HSD11B1: variants seen among roughly 807,000 people sequenced by gnomAD.
HSD11B1 encodes the protein hydroxysteroid 11-beta dehydrogenase 1.
Under a neutral mutation model 22.1 loss-of-function variants are expected in HSD11B1, and 15 were observed. The observed-to-expected ratio is 0.68, with a 90% CI of 0.45 to 1.04. The LOEUF (loss-of-function observed/expected upper bound fraction) is 1.04. Among genes scored for constraint, HSD11B1 ranks in the 50% least tolerant of loss-of-function variants. The pLI, the probability that HSD11B1 is intolerant of heterozygous loss-of-function variation, is 0.00. For missense variants in HSD11B1, 281 were observed against 357.6 expected (o/e 0.79, Z 1.73); for synonymous variants, 122 against 125.2 (o/e 0.97, Z 0.17).
chr1:209,689,553 G>T (rs936522271), intron 1 of HSD11B1, among the ~76,000 whole-genome samples: 1 of 152,190 alleles, frequency 6.6e-6, no homozygotes, highest in African/African-American at 2.4e-5. Context: ...TTTGAGTCGT[G>T]GGGGTGAATC....
At chr1:209,702,649 T>C (rs890130222), upstream of HSD11B1, among the ~76,000 whole-genome samples, 1 of 152,226 alleles carries the variant, frequency 6.6e-6, no homozygotes, top group African/African-American at 2.4e-5. Flanking sequence ...GAATGTATGC[T>C]TATGTATTCT....
At chr1:209,714,786 C>T (rs907076707) in intron 4 of HSD11B1, among the ~76,000 whole-genome samples, 1 of 152,164 alleles carries the variant, frequency 6.6e-6, no homozygotes, top group African/African-American at 2.4e-5. Flanking sequence ...GGTGGCAGCA[C>T]AGATTGAAAA....
At chr1:209,691,784 G>A (rs2076761097) in intron 1 of HSD11B1, among the ~76,000 whole-genome samples, 1 of 152,144 alleles carries the variant, frequency 6.6e-6, no homozygotes, top group East Asian at 1.9e-4. Flanking sequence ...AAGGGAATGG[G>A]TGTTTGTGTG....
At chr1:209,704,793 G>T, upstream of HSD11B1, 1 of 646,822 alleles carries the variant, frequency 1.5e-6, no homozygotes, top group Non-Finnish European at 2.8e-6. Flanking sequence ...CTCTGACAGG[G>T]AAATTGGCTA....
At chr1:209,688,849 T>C (rs1431580316) in intron 1 of HSD11B1, among the ~76,000 whole-genome samples, 1 of 152,200 alleles carries the variant, frequency 6.6e-6, no homozygotes, top group Non-Finnish European at 1.5e-5. Flanking sequence ...ACAACAGAGA[T>C]AACAACAGTT....
intron 4 of HSD11B1, chr1:209,724,170 T>C (rs1286416527): frequency 6.6e-6 from 1 of 152,222 alleles, no homozygotes; most frequent in Non-Finnish European, 1.5e-5. Flanking sequence ...TCCATAGGTG[T>C]GACACAATTT....
intron 4 of HSD11B1, among the ~76,000 whole-genome samples, chr1:209,719,992 A>C (rs1440764019): frequency 1.3e-5 from 2 of 152,170 alleles, no homozygotes; most frequent in Non-Finnish European, 2.9e-5. Flanking sequence ...AGAAATACCT[A>C]ATGTAAATGA....
chr1:209,712,489 A>G lies in HSD11B1; in HGVS notation c.517+5361A>G, dbSNP rs181979458. ...TTATAAGTAATCTAAAGATGATTTA[A>G]AGTACACAGGAGGATGTGCATAGGT... On this transcript the variant is annotated intron_variant, in intron 4 of 5. Transcript: ENST00000367027. Among the ~76,000 whole-genome samples, 3 of 152,306 alleles carry G rather than the reference A, an allele frequency of 2.0e-5. No homozygotes were observed. In the East Asian group the frequency reaches 5.8e-4, roughly 29 times the overall value.
intron 4 of HSD11B1, among the ~76,000 whole-genome samples, chr1:209,713,269 C>G (rs2076909756): frequency 6.6e-6 from 1 of 152,122 alleles, no homozygotes; most frequent in South Asian, 2.1e-4. Flanking sequence ...ATAGCTGTAT[C>G]TATATCTCTG....
chr1:209,702,975 T>C (rs2076834304), upstream of HSD11B1, among the ~76,000 whole-genome samples: 1 of 152,246 alleles, frequency 6.6e-6, no homozygotes, highest in African/African-American at 2.4e-5. Flanking sequence ...ATCTAATTAT[T>C]AATCTGTTTG....
At position 209,732,405 on chromosome 1, in the gene HSD11B1, T is replaced by TC. The variant is rs1363490672; in HGVS notation, c.518-31_518-30insC. The TC allele has an allele frequency of 5.6e-6, 9 of 1,613,574 alleles. No individual in the cohort carries two copies. In the African/African-American group the frequency reaches 1.1e-4, roughly 19 times the overall value. On this transcript the variant is annotated intron_variant, in intron 4 of 5. Transcript: ENST00000367027. ...TGTAAGAAGGTGAAATGGGCAGCCT[T>TC]ATTAACCCATTTCTTTAATCTGTCA...
chr1:209,713,014 A>G (rs1469582521), intron 4 of HSD11B1, among the ~76,000 whole-genome samples: 1 of 152,156 alleles, frequency 6.6e-6, no homozygotes, highest in Non-Finnish European at 1.5e-5. Context: ...GCACCACTGC[A>G]CTCCAGACTG....
chr1:209,734,334 T>C lies in HSD11B1; in HGVS notation c.692T>C (p.Val231Ala). 1.2e-6 allele frequency: 2 copies of C among 1,614,020 alleles called. No individual in the cohort carries two copies. Among genetic ancestry groups the C allele is most frequent in the Non-Finnish European group, 1.7e-6 (2 of 1,179,970 alleles). ...GCCATGAAGGCAGTTTCTGGGATAG[T>C]CCATATGCAAGCAGCTCCAAAGGAG... ...ETAMKAVSGIVHMQAAPKEEC... is the reference protein window; with the variant it reads ...ETAMKAVSGIAHMQAAPKEEC... The change falls in exon 6 of 6, where the codon GTC (valine) becomes GCC (alanine). Residue 231 changes from valine (V) to alanine (A), a missense_variant. By Grantham distance (64) the Val-to-Ala change is moderately conservative. Coordinates refer to ENST00000367027, the MANE Select transcript of HSD11B1 (RefSeq NM_005525.4).
At chr1:209,732,656 T>C in intron 5 of HSD11B1, 77 bp downstream of exon 5, 1 of 1,232,374 alleles carries the variant, frequency 8.1e-7, no homozygotes, top group Non-Finnish European at 1.2e-6. Context: ...CATGCAGGTT[T>C]GTTACATATG....
intron 4 of HSD11B1, among the ~76,000 whole-genome samples, chr1:209,718,825 G>T (rs2076946310): frequency 6.6e-6 from 1 of 151,878 alleles, no homozygotes; most frequent in Admixed American, 6.6e-5. Context: ...TTTGAGACCA[G>T]CCTGGCCAAT....
At chr1:209,697,485 C>T (rs181259798) in intron 1 of HSD11B1, among the ~76,000 whole-genome samples, 9 of 152,330 alleles carry the variant, frequency 5.9e-5, no homozygotes, top group East Asian at 1.9e-4. Context: ...CTTCCATTAG[C>T]GCACTGGTAA....
intron 4 of HSD11B1, among the ~76,000 whole-genome samples, chr1:209,726,861 C>G (rs1311603077): frequency 6.6e-6 from 1 of 152,170 alleles, no homozygotes; most frequent in Admixed American, 6.5e-5. Flanking sequence ...CAGACTATGG[C>G]TTCGCAGGAT....
chr1:209,732,395 T>C (rs1295824789), intron 4 of HSD11B1, 41 bp from the exon 5 acceptor site: 3 of 1,613,130 alleles, frequency 1.9e-6, no homozygotes, highest in Admixed American at 3.3e-5. Context: ...GAAGGTGAAA[T>C]GGGCAGCCTT....
In HSD11B1 at chr1:209,734,569, T is replaced by A. The variant is rs558372350; in HGVS notation, c.*48T>A. Reference sequence around the variant, plus strand: ...GCTGAGGGATTTTGGGACTGTTCTGTCTCATGTTTATCTGAGCTCTTATCT... The same window carrying A: ...GCTGAGGGATTTTGGGACTGTTCTGACTCATGTTTATCTGAGCTCTTATCT... On this transcript the variant is annotated 3_prime_UTR_variant, in exon 6 of 6. Transcript: ENST00000367027. 1 of 1,361,688 alleles carries A rather than the reference T, an allele frequency of 7.3e-7. No individual in the cohort carries two copies. 84.4% of individuals were successfully genotyped at this position (1,361,688 alleles called of 1,614,324 possible).
Sources: allele counts gnomAD v4.1 joint callset (sites outside exome capture counted in the v4.1 genomes callset), GRCh38; gene constraint gnomAD v4.1.1; transcripts MANE v1.5; gene names NCBI Gene and HGNC (gene_info 2026-07-23, HGNC 2026-07-21).